Variants in VPS13D observed in about 807,000 individuals in gnomAD.
VPS13D encodes vacuolar protein sorting 13 homolog D.
In VPS13D, 187 loss-of-function variants were observed where a neutral mutation model predicts 461.9. That is an observed-to-expected ratio of 0.40 (90% CI 0.36 to 0.46). The LOEUF (loss-of-function observed/expected upper bound fraction) is 0.46. VPS13D is among the 20% of genes least tolerant of loss of function. The pLI is 0.60. For synonymous variants in VPS13D, 1,951 were observed against 1,986.3 expected (o/e 0.98, Z 0.47); for missense variants, 4,711 against 5,364.9 (o/e 0.88, Z 3.81).
intron 67 of VPS13D, among the ~76,000 whole-genome samples, chr1:12,462,082 G>A (rs1645420517): frequency 6.6e-6 from 1 of 152,204 alleles, no homozygotes; most frequent in African/African-American, 2.4e-5. Flanking sequence ...TATGAACTCA[G>A]GGTTGGGAAT....
At chr1:12,253,909 C>G (rs1172122222) in intron 7 of VPS13D, 83 bp downstream of exon 7, 3 of 1,054,114 alleles carry the variant, frequency 2.8e-6, no homozygotes, top group African/African-American at 3.2e-5. Flanking sequence ...GCTTTTGTCT[C>G]TTGCCTCTCT....
rs112974323 is a variant in VPS13D at position 12,233,028 on chromosome 1, T to G, written c.-76-1163T>G. On this transcript the variant is annotated intron_variant, in intron 1 of 69. Coordinates refer to ENST00000620676, the MANE Select transcript of VPS13D (RefSeq NM_015378.4). ...TTTCTTTTTCTTTTTTTTTTTGAGA[T>G]GGAGTCTCACTCTGTCACCCAGGCT... is the stretch of plus-strand genomic sequence containing the variant. Among the ~76,000 whole-genome samples, 674 of 151,390 alleles carry G rather than the reference T, an allele frequency of 4.5e-3. 6 individuals carry two copies. The highest frequency in any genetic ancestry group is 0.015 in the African/African-American group (637 of 41,294).
chr1:12,374,548 G>A (rs570537674), intron 55 of VPS13D, among the ~76,000 whole-genome samples: 2 of 152,294 alleles, frequency 1.3e-5, no homozygotes, highest in East Asian at 1.9e-4. Flanking sequence ...CCACTGAGAA[G>A]TGAGGCTACT....
At chr1:12,469,400 AG>A (rs1645534281) in intron 67 of VPS13D, among the ~76,000 whole-genome samples, 1 of 152,264 alleles carries the variant, frequency 6.6e-6, no homozygotes, top group South Asian at 2.1e-4. Flanking sequence ...AGAAGCAGAT[AG>A]GTGAATACAG....
At chr1:12,413,169 TTTTG>T (rs547764572) in intron 63 of VPS13D, among the ~76,000 whole-genome samples, 65 of 152,174 alleles carry the variant, frequency 4.3e-4, no homozygotes, top group Non-Finnish European at 7.1e-4. Flanking sequence ...CTGGGTGTTT[TTTTG>T]TTTGTTTGTT....
intron 50 of VPS13D, among the ~76,000 whole-genome samples, 167 bp from the exon 51 acceptor site, chr1:12,362,553 A>G (rs1211963888): frequency 6.6e-6 from 1 of 152,222 alleles, no homozygotes; most frequent in Non-Finnish European, 1.5e-5. Flanking sequence ...TAATACTTTG[A>G]GTACAATTGC....
intron 36 of VPS13D, among the ~76,000 whole-genome samples, chr1:12,329,275 G>T (rs1055937390): frequency 6.6e-6 from 1 of 151,832 alleles, no homozygotes; most frequent in Non-Finnish European, 1.5e-5. Context: ...GTGCAGTGGC[G>T]CTATCTTGGC....
intron 54 of VPS13D, among the ~76,000 whole-genome samples, chr1:12,371,653 A>G (rs1644119206): frequency 1.3e-5 from 2 of 152,058 alleles, no homozygotes; most frequent in South Asian, 4.2e-4. Flanking sequence ...TCTGCCTCCC[A>G]AAGTGCTGGG....
intron 5 of VPS13D, 44 bp from the exon 6 acceptor site, chr1:12,249,177 CTA>C (rs1388146792): frequency 7.0e-7 from 1 of 1,435,900 alleles, no homozygotes; most frequent in Admixed American, 1.8e-5. Flanking sequence ...CTTTGGAACA[CTA>C]TTCTGCAGGT....
rs1466414450 is a variant in VPS13D, at chr1:12,234,390, G to T, written c.97+27G>T. 1.9e-6 allele frequency: 3 copies of T among 1,559,322 alleles called. No individual in the cohort carries two copies. The South Asian group carries it at 3.4e-5, about 18-fold the overall frequency. Reference sequence around the variant, plus strand: ...TGAGTATTTCTCTGGGTGAGATACAGCTTTATAGGTGGCGTTTCTATTTTT... The same window carrying T: ...TGAGTATTTCTCTGGGTGAGATACATCTTTATAGGTGGCGTTTCTATTTTT... On this transcript the variant is annotated intron_variant, in intron 2 of 69. Coordinates refer to ENST00000620676, the MANE Select transcript of VPS13D (RefSeq NM_015378.4).
chr1:12,397,421 A>G (rs1325699714), intron 60 of VPS13D, among the ~76,000 whole-genome samples: 1 of 152,228 alleles, frequency 6.6e-6, no homozygotes, highest in Non-Finnish European at 1.5e-5. Flanking sequence ...AGAGTTAGTA[A>G]TTCTCAGTTA....
At chr1:12,301,176 A>AT (rs1467872522) in intron 25 of VPS13D, among the ~76,000 whole-genome samples, 1 of 152,194 alleles carries the variant, frequency 6.6e-6, no homozygotes, top group African/African-American at 2.4e-5. Flanking sequence ...CTGACACCAG[A>AT]TGTGTTGGGT....
chr1:12,397,018 C>A lies in VPS13D; in HGVS notation c.11635-3163C>A, dbSNP rs565268372. Among the ~76,000 whole-genome samples, 11 of 152,312 alleles carry A rather than the reference C, an allele frequency of 7.2e-5. No homozygotes were observed. In the South Asian group the frequency reaches 1.2e-3, roughly 17 times the overall value. On this transcript the variant is annotated intron_variant, in intron 60 of 69. Transcript: ENST00000620676. ...GTACGATCTCTGCTTACTGCAACCT[C>A]CGCCTCCCAGGTTCAAGTGATCCTC...
chr1:12,492,353 C>G (rs977305996), intron 67 of VPS13D, among the ~76,000 whole-genome samples: 3 of 152,214 alleles, frequency 2.0e-5, no homozygotes, highest in African/African-American at 7.2e-5. Context: ...AATATCCATT[C>G]AAGCAGCAAA....
At chr1:12,496,715 TA>T (rs1306836561) in intron 67 of VPS13D, among the ~76,000 whole-genome samples, 1 of 152,220 alleles carries the variant, frequency 6.6e-6, no homozygotes, top group Non-Finnish European at 1.5e-5. Context: ...AGAAAGTACT[TA>T]CCAATTACCC....
chr1:12,428,280 A>T (rs946943674), intron 65 of VPS13D, among the ~76,000 whole-genome samples: 22 of 152,182 alleles, frequency 1.4e-4, no homozygotes, highest in Admixed American at 3.9e-4. Context: ...GTGGAGGCGC[A>T]GTTGGTCCCT....
intron 67 of VPS13D, among the ~76,000 whole-genome samples, chr1:12,463,360 A>G (rs2100424315): frequency 6.6e-6 from 1 of 152,294 alleles, no homozygotes; most frequent in South Asian, 2.1e-4. Flanking sequence ...AGCTAAAATT[A>G]CAGATTCTTC....
At chr1:12,309,761 CAAAAAAAA>C (rs1398161248) in intron 27 of VPS13D, among the ~76,000 whole-genome samples, 2 of 73,038 alleles carry the variant, frequency 2.7e-5, no homozygotes, top group South Asian at 9.5e-4. Context: ...GACTCAGTCT[CAAAAAAAA>C]AAAAAAAAAG....
chr1:12,489,158 C>T (rs1205998545), intron 67 of VPS13D, among the ~76,000 whole-genome samples: 1 of 152,138 alleles, frequency 6.6e-6, no homozygotes, highest in Non-Finnish European at 1.5e-5. Context: ...GTAGTCTCGC[C>T]CCTGAGGCAG....
Sources: allele counts gnomAD v4.1 joint callset (sites outside exome capture counted in the v4.1 genomes callset), GRCh38; gene constraint gnomAD v4.1.1; transcripts MANE v1.5; gene names NCBI Gene and HGNC (gene_info 2026-07-23, HGNC 2026-07-21).